IFNGR2: variants seen among roughly 807,000 people sequenced by gnomAD.
IFNGR2 encodes the protein interferon gamma receptor 2, also known as IFN-gamma receptor 2.
IFNGR2 carries 15 observed loss-of-function variants against 41.1 expected under a neutral mutation model. That is an observed-to-expected ratio of 0.37 (90% CI 0.24 to 0.56). The LOEUF is 0.56. Among genes scored for constraint, IFNGR2 ranks in the 20% least tolerant of loss-of-function variants. The probability of loss-of-function intolerance (pLI) is 0.81; values close to 1 mark genes in which losing one functional copy is unlikely to be tolerated. For missense variants in IFNGR2, 362 were observed against 415.7 expected, an observed-to-expected ratio of 0.87 and a Z score of 1.12; for synonymous variants, 161 against 171.6, an observed-to-expected ratio of 0.94 and a Z score of 0.48.
chr21:33,410,963 C>A, intron 1 of IFNGR2: 1 of 1,081,800 alleles, frequency 9.2e-7, no homozygotes, highest in Non-Finnish European at 1.4e-6. Context: ...TTCTCCCCAG[C>A]CTTCCAGCCC....
chr21:33,411,648 T>TC, intron 1 of IFNGR2: 1 of 377,822 alleles, frequency 2.6e-6, no homozygotes, highest in South Asian at 1.9e-5. Flanking sequence ...CACCACAGGG[T>TC]CCCCAAAAGA....
intron 2 of IFNGR2, among the ~76,000 whole-genome samples, chr21:33,420,311 A>C (rs1412911816): frequency 6.6e-6 from 1 of 152,128 alleles, no homozygotes; most frequent in Admixed American, 6.6e-5. Context: ...GTAGGGGGAT[A>C]CTGTCCGCTG....
At chr21:33,420,657 G>A (rs1273924208) in intron 2 of IFNGR2, among the ~76,000 whole-genome samples, 1 of 152,184 alleles carries the variant, frequency 6.6e-6, no homozygotes, top group African/African-American at 2.4e-5. Context: ...GATGGAATGG[G>A]AGAAAATATT....
chr21:33,405,865 C>G (rs1335705433), intron 1 of IFNGR2, among the ~76,000 whole-genome samples: 1 of 151,740 alleles, frequency 6.6e-6, no homozygotes, highest in Admixed American at 6.6e-5. Context: ...AACCCCGTCT[C>G]TACCAAAAAT....
intron 6 of IFNGR2, among the ~76,000 whole-genome samples, chr21:33,433,590 T>C (rs2083912096): frequency 6.6e-6 from 1 of 151,700 alleles, no homozygotes; most frequent in Admixed American, 6.6e-5. Context: ...AGTAGAATGG[T>C]GGTTGCGGTG....
chr21:33,412,232 G>C (rs1375095032), intron 1 of IFNGR2, among the ~76,000 whole-genome samples: 1 of 152,156 alleles, frequency 6.6e-6, no homozygotes, highest in East Asian at 1.9e-4. Flanking sequence ...GGAAAGAGCC[G>C]GGTCCAGCTG....
intron 6 of IFNGR2, among the ~76,000 whole-genome samples, chr21:33,434,195 G>A (rs552706739): frequency 2.0e-5 from 3 of 152,232 alleles, no homozygotes; most frequent in Non-Finnish European, 4.4e-5. Context: ...GGACATTTTG[G>A]GGATCAGAGG....
Position 33,432,839 on chromosome 21 carries a change from A to T in IFNGR2, c.847A>T (p.Thr283Ser). ...YRGLIKYWFH[T>S]PPSIPLQIEE... ...AGGCCTGATTAAATACTGGTTTCACACTCCACCAAGCATCCCATTACAGAT... is the reference window on the plus strand; with the variant it reads ...AGGCCTGATTAAATACTGGTTTCACTCTCCACCAAGCATCCCATTACAGAT... The change falls in exon 6 of 7, where the codon ACT becomes TCT. Residue 283 changes from threonine to serine, a missense_variant. Coordinates refer to ENST00000290219, the MANE Select transcript of IFNGR2 (RefSeq NM_005534.4). 1.2e-6 allele frequency: 2 copies of T among 1,611,966 alleles called. No homozygotes were observed. The highest frequency in any genetic ancestry group is 1.7e-6 in the Non-Finnish European group (2 of 1,179,670).
intron 1 of IFNGR2, among the ~76,000 whole-genome samples, chr21:33,405,010 T>C (rs1486005884): frequency 2.0e-5 from 3 of 146,700 alleles, no homozygotes; most frequent in Non-Finnish European, 4.4e-5. Flanking sequence ...TCCCAACTAC[T>C]CAGGAGGCCG....
chr21:33,405,462 GCCT>G lies in IFNGR2; in HGVS notation c.73+1852_73+1854del, dbSNP rs142283412. ...TTCACGTCTTGAGCAATCTGCATAT[GCCT>G]CCTCCCTAGGCCTCCTCCTAATGAG... On this transcript the variant is annotated intron_variant, in intron 1 of 6. Coordinates refer to ENST00000290219, the MANE Select transcript of IFNGR2 (RefSeq NM_005534.4). Among the ~76,000 whole-genome samples, 424 of 152,274 alleles carry G rather than the reference GCCT, an allele frequency of 2.8e-3. 16 individuals carry two copies. In the East Asian group the frequency reaches 0.073, roughly 26 times the overall value.
At chr21:33,405,648 C>G (rs1355043575) in intron 1 of IFNGR2, among the ~76,000 whole-genome samples, 1 of 152,162 alleles carries the variant, frequency 6.6e-6, no homozygotes. Flanking sequence ...GCCACAACAT[C>G]CAGCTACCTG....
chr21:33,436,893 C>T lies in IFNGR2; in HGVS notation c.945C>T (p.Asp315=), dbSNP rs1802585. 21 of 1,613,606 alleles carry T rather than the reference C, an allele frequency of 1.3e-5. No homozygotes were observed. Among genetic ancestry groups the T allele is most frequent in the South Asian group, 4.4e-5 (4 of 91,070 alleles). ...ACAAGGACAGCTCACCAAAGGATGA[C>T]GTCTGGGACTCTGTGTCCATTATCT... is the stretch of plus-strand genomic sequence containing the variant. ...ALDKDSSPKD[D]VWDSVSIISF... is the part of the protein sequence containing the mutation. Residue 315 remains aspartate (D), a synonymous_variant, in exon 7 of 7, where the codon GAC becomes GAT. Coordinates refer to ENST00000290219, the MANE Select transcript of IFNGR2 (RefSeq NM_005534.4).
At position 33,437,239 on chromosome 21, in the gene IFNGR2, G is replaced by C; in HGVS notation, c.*277G>C. On this transcript the variant is annotated 3_prime_UTR_variant, in exon 7 of 7. Transcript: ENST00000290219. ...ACACTAAAAAGGCATGTAATTGCTTGTTAGCAAAATGGATATGACACATCT... is the reference window on the plus strand; with the variant it reads ...ACACTAAAAAGGCATGTAATTGCTTCTTAGCAAAATGGATATGACACATCT... 2.4e-6 allele frequency: 1 copy of C among 408,554 alleles called. No homozygotes were observed. Among genetic ancestry groups the C allele is most frequent in the South Asian group, 2.5e-5 (1 of 40,374 alleles). 25.3% of individuals were successfully genotyped at this position (408,554 alleles called of 1,614,324 possible). A position where few individuals can be genotyped will look rare whatever the true frequency, so the allele number is the denominator to read the frequency against.
chr21:33,414,267 C>T (rs1022662689), intron 1 of IFNGR2, among the ~76,000 whole-genome samples: 1 of 152,152 alleles, frequency 6.6e-6, no homozygotes, highest in East Asian at 1.9e-4. Context: ...CCTTGAGAGA[C>T]GACAACTCTG....
intron 3 of IFNGR2, among the ~76,000 whole-genome samples, chr21:33,423,036 CTTT>C (rs1158807047): frequency 3.4e-5 from 4 of 117,368 alleles, no homozygotes; most frequent in Admixed American, 8.9e-5. Context: ...CTTCCCTCTA[CTTT>C]TTTTTTTTTT....
Position 33,436,919 on chromosome 21 carries a change from C to T in IFNGR2, c.971C>T (p.Ser324Leu), listed in dbSNP as rs749163514. 11 of 1,613,772 alleles carry T rather than the reference C, an allele frequency of 6.8e-6. No individual in the cohort carries two copies. Among genetic ancestry groups the T allele is most frequent in the Non-Finnish European group, 8.5e-6 (10 of 1,179,924 alleles). ...GTCTGGGACTCTGTGTCCATTATCT[C>T]GTTTCCGGAAAAGGAGCAAGAAGAT... Reference protein sequence around the residue: ...DDVWDSVSIISFPEKEQEDVL... With the variant: ...DDVWDSVSIILFPEKEQEDVL... Residue 324 changes from serine to leucine, a missense_variant, in exon 7 of 7, where the codon TCG becomes TTG. Coordinates refer to ENST00000290219, the MANE Select transcript of IFNGR2 (RefSeq NM_005534.4).
chr21:33,436,028 T>G (rs903992029), intron 6 of IFNGR2, among the ~76,000 whole-genome samples: 1 of 151,722 alleles, frequency 6.6e-6, no homozygotes, highest in African/African-American at 2.4e-5. Context: ...GCCACTGCAC[T>G]CCAGCCTGGG....
intron 1 of IFNGR2, among the ~76,000 whole-genome samples, chr21:33,403,846 T>C (rs9975155): frequency 1.3e-5 from 2 of 151,720 alleles, no homozygotes; most frequent in African/African-American, 4.8e-5. Context: ...AGGGGCCCGC[T>C]GGGAGCCCGC....
chr21:33,416,692 G>A (rs1040538853), intron 2 of IFNGR2, among the ~76,000 whole-genome samples: 1 of 151,590 alleles, frequency 6.6e-6, no homozygotes, highest in East Asian at 1.9e-4. Flanking sequence ...TGTAGTGGCG[G>A]GCGCCTGTAG....
Sources: allele counts gnomAD v4.1 joint callset (sites outside exome capture counted in the v4.1 genomes callset), GRCh38; gene constraint gnomAD v4.1.1; transcripts MANE v1.5; gene names NCBI Gene and HGNC (gene_info 2026-07-23, HGNC 2026-07-21).